Variants in PBX3 observed in about 807,000 individuals in gnomAD.
PBX3 encodes pre-B-cell leukemia transcription factor 3.
PBX3 carries 14 observed loss-of-function variants against 48.5 expected under a neutral mutation model. The observed-to-expected ratio is 0.29, with a 90% CI of 0.19 to 0.45. PBX3 has a LOEUF of 0.45. PBX3 is among the 20% of genes least tolerant of loss of function. The pLI, the probability that PBX3 is intolerant of heterozygous loss-of-function variation, is 1.00. For synonymous variants in PBX3, 210 were observed against 200.3 expected (o/e 1.05, Z -0.41); for missense variants, 386 against 546.7 (o/e 0.71, Z 2.93).
chr9:125,929,424 G>A (rs1394963981), intron 3 of PBX3, among the ~76,000 whole-genome samples: 1 of 152,194 alleles, frequency 6.6e-6, no homozygotes. Context: ...GGGGTGGGTG[G>A]GAAGAGTAGT....
intron 5 of PBX3, among the ~76,000 whole-genome samples, chr9:125,955,543 G>A (rs773650714): frequency 5.0e-4 from 76 of 152,198 alleles, no homozygotes; most frequent in Non-Finnish European, 8.5e-4. Flanking sequence ...AGTGGTCCAG[G>A]GAGAGGGAGG....
At chr9:125,818,069 C>G (rs900286436) in intron 2 of PBX3, among the ~76,000 whole-genome samples, 1 of 151,972 alleles carries the variant, frequency 6.6e-6, no homozygotes, top group Admixed American at 6.6e-5. Context: ...CATAGTGGCT[C>G]ACACCTGTAG....
intron 8 of PBX3, among the ~76,000 whole-genome samples, chr9:125,963,677 A>G (rs1410099480): frequency 6.6e-6 from 1 of 152,152 alleles, no homozygotes; most frequent in Non-Finnish European, 1.5e-5. Context: ...CAGCTCTGGA[A>G]AAGGGGGAAG....
intron 2 of PBX3, among the ~76,000 whole-genome samples, chr9:125,907,272 T>C (rs1841097092): frequency 6.6e-6 from 1 of 152,040 alleles, no homozygotes; most frequent in Non-Finnish European, 1.5e-5. Context: ...AATTTTGATA[T>C]ATAAAAATGC....
chr9:125,927,772 C>T (rs1304294670), intron 3 of PBX3, among the ~76,000 whole-genome samples: 1 of 152,206 alleles, frequency 6.6e-6, no homozygotes, highest in Non-Finnish European at 1.5e-5. Context: ...GATGCAGTGG[C>T]ACACACCTGT....
At chr9:125,863,380 T>G (rs1443487294) in intron 2 of PBX3, among the ~76,000 whole-genome samples, 2 of 152,022 alleles carry the variant, frequency 1.3e-5, no homozygotes, top group Non-Finnish European at 2.9e-5. Context: ...TTTCTTTGTT[T>G]TTTGTATTTT....
chr9:125,871,380 C>CAAAA (rs34035290), intron 2 of PBX3, among the ~76,000 whole-genome samples: 1 of 127,586 alleles, frequency 7.8e-6, no homozygotes, highest in Non-Finnish European at 1.6e-5. Flanking sequence ...GACTCCGTCT[C>CAAAA]AAAAAAAAAA....
chr9:125,901,135 A>G (rs1038697367), intron 2 of PBX3, among the ~76,000 whole-genome samples: 4 of 151,870 alleles, frequency 2.6e-5, no homozygotes, highest in Middle Eastern at 6.8e-3. Context: ...TACTATTTCA[A>G]TTAGTTTTCT....
At chr9:125,963,635 C>T (rs1303985790) in intron 8 of PBX3, among the ~76,000 whole-genome samples, 1 of 152,158 alleles carries the variant, frequency 6.6e-6, no homozygotes, top group Admixed American at 6.5e-5. Context: ...ACCTTTCCCT[C>T]CACTGACATG....
chr9:125,953,131 A>G (rs1192596500), intron 5 of PBX3, among the ~76,000 whole-genome samples: 1 of 152,108 alleles, frequency 6.6e-6, no homozygotes, highest in Non-Finnish European at 1.5e-5. Flanking sequence ...ATCATATTCC[A>G]TTATACAAAG....
At chr9:125,949,863 T>C (rs1307482985) in intron 5 of PBX3, among the ~76,000 whole-genome samples, 1 of 152,168 alleles carries the variant, frequency 6.6e-6, no homozygotes, top group East Asian at 1.9e-4. Flanking sequence ...CCCATCATTA[T>C]TTGGAGTGCT....
chr9:125,830,636 AATG>A (rs1296468853), intron 2 of PBX3, among the ~76,000 whole-genome samples: 4 of 152,180 alleles, frequency 2.6e-5, no homozygotes, highest in Non-Finnish European at 5.9e-5. Context: ...CATTAATACT[AATG>A]ATGACAGTGG....
chr9:125,793,619 G>A (rs1291295688), intron 2 of PBX3, among the ~76,000 whole-genome samples: 2 of 151,362 alleles, frequency 1.3e-5, no homozygotes, highest in East Asian at 1.9e-4. Flanking sequence ...TAGTAGAGAC[G>A]GGGTTTCACC....
At chr9:125,769,988 C>G (rs959538047) in intron 2 of PBX3, among the ~76,000 whole-genome samples, 1 of 151,928 alleles carries the variant, frequency 6.6e-6, no homozygotes, top group African/African-American at 2.4e-5. Flanking sequence ...ATTGGTTAAG[C>G]ATTAATGTTA....
intron 2 of PBX3, among the ~76,000 whole-genome samples, chr9:125,847,677 T>A (rs1588214576): frequency 1.3e-5 from 2 of 151,928 alleles, no homozygotes; most frequent in Admixed American, 1.3e-4. Flanking sequence ...TTTTTCTTTA[T>A]CCTTTTCTTT....
chr9:125,906,016 A>G (rs1057239682), intron 2 of PBX3, among the ~76,000 whole-genome samples: 1 of 152,024 alleles, frequency 6.6e-6, no homozygotes, highest in Non-Finnish European at 1.5e-5. Flanking sequence ...TGACTGAAAC[A>G]TCTATAGTAC....
At chr9:125,965,497 G>A (rs921190530) in intron 8 of PBX3, among the ~76,000 whole-genome samples, 10 of 152,200 alleles carry the variant, frequency 6.6e-5, no homozygotes, top group Non-Finnish European at 1.5e-4. Flanking sequence ...GCATTGCATT[G>A]AGCTTCTCCA....
Position 125,863,320 on chromosome 9 carries a change from C to T in PBX3, c.275-52366C>T, listed in dbSNP as rs969279915. Among the ~76,000 whole-genome samples the T allele has an allele frequency of 2.6e-5, 4 of 152,012 alleles. No homozygotes were observed. The East Asian group carries it at 7.7e-4, about 29-fold the overall frequency. ...CCAGGTTCAAGCGATTCTCCTGCTT[C>T]AGCCTCCTGAGTAGCTGGGACTACA... On this transcript the variant is annotated intron_variant, in intron 2 of 8. Transcript: ENST00000373489.
At chr9:125,913,060 C>A (rs1841239748) in intron 2 of PBX3, among the ~76,000 whole-genome samples, 1 of 151,994 alleles carries the variant, frequency 6.6e-6, no homozygotes, top group South Asian at 2.1e-4. Flanking sequence ...ATTTAAAGAT[C>A]CCATAATCAT....
Sources: allele counts gnomAD v4.1 joint callset (sites outside exome capture counted in the v4.1 genomes callset), GRCh38; gene constraint gnomAD v4.1.1; transcripts MANE v1.5; gene names NCBI Gene and HGNC (gene_info 2026-07-23, HGNC 2026-07-21).